PIK3C2G: variants seen among roughly 807,000 people sequenced by gnomAD.
PIK3C2G encodes the protein phosphatidylinositol-4-phosphate 3-kinase catalytic subunit type 2 gamma.
In PIK3C2G, 168 loss-of-function variants were observed where a neutral mutation model predicts 181.1. The ratio of observed to expected loss-of-function variants is 0.93; its 90% CI spans 0.82 to 1.05. PIK3C2G has a LOEUF of 1.05. Ranked by LOEUF, PIK3C2G falls within the 50% of genes least tolerant of loss-of-function variation. The pLI is 0.00. For missense variants in PIK3C2G, 1,869 were observed against 1,732.8 expected (o/e 1.08, Z -1.40); for synonymous variants, 573 against 592.2 (o/e 0.97, Z 0.47).
At chr12:18,639,758 G>A (rs1290126998) in intron 31 of PIK3C2G, among the ~76,000 whole-genome samples, 1 of 152,074 alleles carries the variant, frequency 6.6e-6, no homozygotes, top group Non-Finnish European at 1.5e-5. Context: ...GGAAGAACTG[G>A]GGAGTGGAGG....
In PIK3C2G at chr12:18,293,908, T is replaced by A; in HGVS notation, c.927T>A (p.Tyr309Ter). The A allele has an allele frequency of 6.8e-7, 1 of 1,479,870 alleles. No homozygotes were observed. Among genetic ancestry groups the A allele is most frequent in the Non-Finnish European group, 9.5e-7 (1 of 1,058,082 alleles). The allele number at this position is 1,479,870 out of a possible 1,614,324, so 91.7% of individuals were successfully genotyped here. A position where few individuals can be genotyped will look rare whatever the true frequency, so the allele number is the denominator to read the frequency against. The change falls in exon 5 of 33, where the codon TAT becomes TAA. Residue 309 changes from tyrosine (Y) to a stop codon, truncating the protein, a stop_gained. Transcript: ENST00000538779. LOFTEE classifies it high-confidence loss of function. ...QPLHFMPCAN[Y>*]LVKDLIAEIL... ...ATTCCTCTTTTTCTTTAGCTAATTA[T>A]CTTGTCAAAGATCTAATTGCAGAAA...
chr12:18,265,421 A>G (rs1053059454), intron 1 of PIK3C2G, among the ~76,000 whole-genome samples: 1 of 152,188 alleles, frequency 6.6e-6, no homozygotes, highest in Non-Finnish European at 1.5e-5. Context: ...ATAAATGTAA[A>G]GTTAATATTA....
chr12:18,545,513 T>A (rs1944376385), intron 25 of PIK3C2G, among the ~76,000 whole-genome samples: 1 of 151,874 alleles, frequency 6.6e-6, no homozygotes, highest in Admixed American at 6.6e-5. Flanking sequence ...TCTTCATTTT[T>A]TTTTTTGCAA....
chr12:18,313,831 C>CG (rs1475168347), intron 5 of PIK3C2G, 131 bp from the exon 6 acceptor site: 2 of 586,290 alleles, frequency 3.4e-6, no homozygotes, highest in Admixed American at 3.0e-5. Flanking sequence ...CACACACACG[C>CG]ACACACACGC....
intron 30 of PIK3C2G, among the ~76,000 whole-genome samples, chr12:18,607,969 A>G (rs1312850284): frequency 1.3e-5 from 2 of 152,218 alleles, no homozygotes; most frequent in African/African-American, 4.8e-5. Context: ...ATCACTGGCC[A>G]TCAGAGAAAT....
At chr12:18,326,601 A>G (rs931596218) in intron 8 of PIK3C2G, among the ~76,000 whole-genome samples, 36 of 152,092 alleles carry the variant, frequency 2.4e-4, no homozygotes, top group Admixed American at 1.8e-3. Flanking sequence ...CTCTCACCCT[A>G]ATTCTATTTT....
At chr12:18,500,044 C>A (rs1170337316) in intron 22 of PIK3C2G, among the ~76,000 whole-genome samples, 1 of 152,238 alleles carries the variant, frequency 6.6e-6, no homozygotes, top group Admixed American at 6.5e-5. Context: ...CCCACTTTGG[C>A]GGCACTTGAG....
chr12:18,599,173 A>G (rs1365538949), intron 30 of PIK3C2G, among the ~76,000 whole-genome samples: 1 of 152,208 alleles, frequency 6.6e-6, no homozygotes, highest in African/African-American at 2.4e-5. Context: ...ACTATAAATC[A>G]TGCTGCTCTA....
chr12:18,433,048 C>T (rs1946251482), intron 18 of PIK3C2G, among the ~76,000 whole-genome samples: 2 of 151,436 alleles, frequency 1.3e-5, no homozygotes, highest in South Asian at 4.2e-4. Flanking sequence ...TATTTAAAAG[C>T]TCAAAATTGT....
intron 31 of PIK3C2G, among the ~76,000 whole-genome samples, chr12:18,634,817 C>A (rs1438766787): frequency 6.6e-6 from 1 of 152,212 alleles, no homozygotes; most frequent in Admixed American, 6.5e-5. Flanking sequence ...TTAAAATCTT[C>A]TGATGAAGTC....
At chr12:18,440,557 C>T (rs1042770866) in intron 18 of PIK3C2G, among the ~76,000 whole-genome samples, 11 of 152,114 alleles carry the variant, frequency 7.2e-5, no homozygotes, top group Middle Eastern at 3.4e-3. Flanking sequence ...GAGAGTGAAC[C>T]GCCTATGTAT....
Position 18,378,841 on chromosome 12 carries a change from G to A in PIK3C2G, c.1881-2925G>A, listed in dbSNP as rs989405531. 3.9e-5 allele frequency among the ~76,000 whole-genome samples: 6 copies of A among 152,100 alleles called. No individual in the cohort carries two copies. In the South Asian group the frequency reaches 6.2e-4, roughly 16 times the overall value. ...ACCATCTCACACCAGTTAGAATGGC[G>A]ATCATTAAAAAGGCAGGAAACAACA... On this transcript the variant is annotated intron_variant, in intron 13 of 32. Coordinates refer to ENST00000538779, the MANE Select transcript of PIK3C2G (RefSeq NM_001288772.2).
chr12:18,264,337 C>A (rs993405310), intron 1 of PIK3C2G, among the ~76,000 whole-genome samples: 1 of 152,168 alleles, frequency 6.6e-6, no homozygotes, highest in South Asian at 2.1e-4. Flanking sequence ...GAATTATCCA[C>A]GTATTTACTA....
intron 20 of PIK3C2G, among the ~76,000 whole-genome samples, chr12:18,494,106 C>T (rs1231488967): frequency 6.6e-6 from 1 of 152,154 alleles, no homozygotes; most frequent in African/African-American, 2.4e-5. Context: ...TTCCTTTCTT[C>T]CAGCTTTTCT....
chr12:18,292,227 A>AAAAAAATATAT lies in PIK3C2G; in HGVS notation c.919+1216_919+1217insAAAAATATATA. ...CTCCATCTCAAAAAAAAAAAAAAAA[A>AAAAAAATATAT]ATATATATATATATATATATATATA... On this transcript the variant is annotated intron_variant, in intron 4 of 32. Transcript: ENST00000538779. Among the ~76,000 whole-genome samples, 46 of 48,714 alleles carry AAAAAAATATAT rather than the reference A, an allele frequency of 9.4e-4. 1 individual carries two copies. Among genetic ancestry groups the AAAAAAATATAT allele is most frequent in the African/African-American group, 2.2e-3 (20 of 9,060 alleles). 32.0% of individuals were successfully genotyped at this position (48,714 alleles called of 152,430 possible).
intron 30 of PIK3C2G, among the ~76,000 whole-genome samples, chr12:18,604,063 G>T (rs1442629154): frequency 6.6e-6 from 1 of 152,128 alleles, no homozygotes; most frequent in African/African-American, 2.4e-5. Flanking sequence ...TAACATTGAA[G>T]GTAAATGGCC....
At chr12:18,559,849 GAGAGAGAGAGAGAGAGAC>G (rs1266799568) in intron 26 of PIK3C2G, among the ~76,000 whole-genome samples, 46 of 135,774 alleles carry the variant, frequency 3.4e-4, no homozygotes, top group African/African-American at 1.2e-3. Flanking sequence ...GAGAGAGAGA[GAGAGAGAGAGAGAGAGAC>G]AGTTTTGCTC....
At chr12:18,281,223 A>C (rs1949200943) in intron 1 of PIK3C2G, among the ~76,000 whole-genome samples, 1 of 151,390 alleles carries the variant, frequency 6.6e-6, no homozygotes, top group South Asian at 2.1e-4. Flanking sequence ...ATAACAGGGA[A>C]GAAAAAAAGC....
chr12:18,476,700 A>C (rs1232233273), intron 18 of PIK3C2G, among the ~76,000 whole-genome samples: 1 of 152,112 alleles, frequency 6.6e-6, no homozygotes, highest in African/African-American at 2.4e-5. Context: ...TAACAGCCTC[A>C]TTTTTAGTTA....
Sources: allele counts gnomAD v4.1 joint callset (sites outside exome capture counted in the v4.1 genomes callset), GRCh38; gene constraint gnomAD v4.1.1; transcripts MANE v1.5; gene names NCBI Gene and HGNC (gene_info 2026-07-23, HGNC 2026-07-21).